Variants in TULP4 observed in about 807,000 individuals in gnomAD.
The protein encoded by TULP4 is tubby-related protein 4.
A neutral mutation model predicts 129.0 loss-of-function variants in TULP4; 16 were observed. That is an observed-to-expected ratio of 0.12 (90% CI 0.08 to 0.19). The LOEUF (loss-of-function observed/expected upper bound fraction) is 0.19, where lower values mean the gene tolerates loss of function less well. Among genes scored for constraint, TULP4 ranks in the 10% least tolerant of loss-of-function variants. The pLI is 1.00. For synonymous variants in TULP4, 998 were observed against 854.0 expected, an observed-to-expected ratio of 1.17 and a Z score of -2.94; for missense variants, 1,842 against 2,059.1, an observed-to-expected ratio of 0.89 and a Z score of 2.04.
intron 1 of TULP4, among the ~76,000 whole-genome samples, chr6:158,371,194 TAAATG>T (rs1348743493): frequency 1.3e-5 from 2 of 152,154 alleles, no homozygotes; most frequent in Non-Finnish European, 1.5e-5. Context: ...CCACTAGACT[TAAATG>T]AGAGGAGAGT....
chr6:158,235,896 TATTGTTTA>T (rs1777684722), intron 1 of TULP4, among the ~76,000 whole-genome samples: 1 of 152,240 alleles, frequency 6.6e-6, no homozygotes, highest in African/African-American at 2.4e-5. Flanking sequence ...ACAAATTCGT[TATTGTTTA>T]ATGCATAGAA....
rs778388424 is a variant in TULP4 at position 158,429,913 on chromosome 6, TGTG to T, written c.543+21_543+23del. Reference sequence around the variant, plus strand: ...CGACCAACAGGTAACACTTCTGAAATGTGGTGGGTGTGTGACGTTAAAACCATG... The same window carrying T: ...CGACCAACAGGTAACACTTCTGAAATGTGGGTGTGTGACGTTAAAACCATG... On this transcript the variant is annotated intron_variant, in intron 3 of 13. Transcript: ENST00000367097. 11 of 1,611,116 alleles carry T rather than the reference TGTG, an allele frequency of 6.8e-6. No individual in the cohort carries two copies. The highest frequency in any genetic ancestry group is 4.4e-5 in the South Asian group (4 of 90,510).
At chr6:158,468,740 C>T (rs1227860968) in intron 6 of TULP4, among the ~76,000 whole-genome samples, 1 of 152,158 alleles carries the variant, frequency 6.6e-6, no homozygotes, top group African/African-American at 2.4e-5. Context: ...ATTTAATTCT[C>T]ACAGTTTTGG....
At chr6:158,371,567 A>G (rs907747302) in intron 1 of TULP4, among the ~76,000 whole-genome samples, 1 of 152,196 alleles carries the variant, frequency 6.6e-6, no homozygotes, top group Non-Finnish European at 1.5e-5. Context: ...ATTTGGTGAG[A>G]AGTCCACCTC....
chr6:158,352,248 C>T (rs1159963958), intron 1 of TULP4, among the ~76,000 whole-genome samples: 17 of 152,096 alleles, frequency 1.1e-4, no homozygotes, highest in Admixed American at 1.1e-3. Context: ...TAAGAAGAGA[C>T]TTCTGGAGTC....
chr6:158,494,002 G>T (rs1449007849), intron 10 of TULP4, among the ~76,000 whole-genome samples: 1 of 152,032 alleles, frequency 6.6e-6, no homozygotes, highest in African/African-American at 2.4e-5. Flanking sequence ...TTCCCTCCTG[G>T]TCCCTCAGTG....
In TULP4 at chr6:158,449,124, G is replaced by A; in HGVS notation, c.672G>A (p.Val224=). Residue 224 remains valine, a synonymous_variant, in exon 4 of 14, where the codon GTG becomes GTA. Transcript: ENST00000367097. ...CCTGGAACTACCCGATCTTCCTGGT[G>A]GAGGACAGCAGCGAGAGCGACACGG... ...GMSWNYPIFL[V]EDSSESDTDS... is the part of the protein sequence containing the mutation. 2 of 1,614,094 alleles carry A rather than the reference G, an allele frequency of 1.2e-6. No homozygotes were observed. The highest frequency in any genetic ancestry group is 1.7e-6 in the Non-Finnish European group (2 of 1,180,026).
intron 1 of TULP4, among the ~76,000 whole-genome samples, chr6:158,285,095 A>G (rs907115325): frequency 6.6e-6 from 1 of 151,820 alleles, no homozygotes; most frequent in African/African-American, 2.4e-5. Flanking sequence ...TCACACCCTC[A>G]CTCTTAATTG....
intron 1 of TULP4, among the ~76,000 whole-genome samples, chr6:158,398,716 A>T (rs550676682): frequency 6.6e-6 from 1 of 152,258 alleles, no homozygotes; most frequent in Admixed American, 6.5e-5. Context: ...ACAAAATTCA[A>T]TTGTTCTTCT....
intron 2 of TULP4, among the ~76,000 whole-genome samples, chr6:158,418,541 G>A (rs900201303): frequency 2.6e-5 from 4 of 152,042 alleles, no homozygotes; most frequent in African/African-American, 9.7e-5. Context: ...ACTGAGTCAA[G>A]AGGATCTCTT....
At chr6:158,283,639 G>T (rs189749145) in intron 1 of TULP4, among the ~76,000 whole-genome samples, 2 of 152,114 alleles carry the variant, frequency 1.3e-5, no homozygotes, top group African/African-American at 4.8e-5. Context: ...CCTCTTTATT[G>T]GTGGAAGTAC....
At chr6:158,249,460 C>T (rs531016269) in intron 1 of TULP4, among the ~76,000 whole-genome samples, 4 of 152,276 alleles carry the variant, frequency 2.6e-5, no homozygotes, top group African/African-American at 7.2e-5. Flanking sequence ...CATTCTGTTT[C>T]GTCTTTTTAC....
chr6:158,273,353 C>T (rs1195158520), intron 1 of TULP4, among the ~76,000 whole-genome samples: 6 of 146,174 alleles, frequency 4.1e-5, no homozygotes, highest in African/African-American at 7.3e-5. Context: ...ATTTACCTGA[C>T]GTGGGGTTCC....
chr6:158,309,169 T>C (rs1583727836), upstream of TULP4, among the ~76,000 whole-genome samples: 1 of 31,830 alleles, frequency 3.1e-5, no homozygotes, highest in African/African-American at 7.6e-5. Context: ...TCCTCACTTC[T>C]CAGATGGGGT....
At chr6:158,294,278 G>A (rs529968573) in intron 1 of TULP4, among the ~76,000 whole-genome samples, 195 of 151,622 alleles carry the variant, frequency 1.3e-3, no homozygotes, top group African/African-American at 4.5e-3. Context: ...CAGGAGAATC[G>A]CATGAACCTG....
intron 1 of TULP4, among the ~76,000 whole-genome samples, chr6:158,379,989 G>A (rs1293859039): frequency 6.6e-6 from 1 of 152,168 alleles, no homozygotes; most frequent in Non-Finnish European, 1.5e-5. Flanking sequence ...GCTGGTAGCA[G>A]CAGGAATAGA....
intron 1 of TULP4, among the ~76,000 whole-genome samples, chr6:158,396,703 A>G (rs1411259348): frequency 1.3e-5 from 2 of 152,220 alleles, no homozygotes; most frequent in Non-Finnish European, 2.9e-5. Context: ...AGAAATAACC[A>G]GTGTTTACAG....
chr6:158,434,537 G>A (rs954816050), intron 3 of TULP4, among the ~76,000 whole-genome samples: 2 of 152,240 alleles, frequency 1.3e-5, no homozygotes, highest in African/African-American at 4.8e-5. Context: ...GTCTGCCAGA[G>A]CGAATGTTTC....
chr6:158,262,152 A>G (rs1003612961), intron 1 of TULP4, among the ~76,000 whole-genome samples: 1 of 152,166 alleles, frequency 6.6e-6, no homozygotes, highest in Non-Finnish European at 1.5e-5. Context: ...CTCCATGCAT[A>G]TGGGAGAAGC....
Sources: gnomAD v4.1 joint callset for allele counts (sites outside exome capture counted in the v4.1 genomes callset) on GRCh38, gnomAD v4.1.1 for gene constraint, MANE v1.5 for transcripts, NCBI Gene and HGNC (gene_info 2026-07-23, HGNC 2026-07-21) for gene names.